The following AACS variants were observed in gnomAD, a reference collection of about 807,000 sequenced individuals.
The protein encoded by AACS is acetoacetate-CoA ligase.
In AACS, 69 loss-of-function variants were observed where a neutral mutation model predicts 83.1. The ratio of observed to expected loss-of-function variants is 0.83; its 90% CI spans 0.68 to 1.01. The LOEUF is 1.01. Ranked by LOEUF, AACS falls within the 50% of genes least tolerant of loss-of-function variation. AACS has a pLI of 0.00. For missense variants in AACS, 866 were observed against 882.2 expected, an observed-to-expected ratio of 0.98 and a Z score of 0.23; for synonymous variants, 333 against 343.4, an observed-to-expected ratio of 0.97 and a Z score of 0.33.
chr12:125,081,925 G>T (rs1260720919), intron 3 of AACS, among the ~76,000 whole-genome samples: 3 of 151,696 alleles, frequency 2.0e-5, no homozygotes, highest in Non-Finnish European at 2.9e-5. Context: ...GCCCAGGCTG[G>T]AGTGCAATGG....
intron 4 of AACS, among the ~76,000 whole-genome samples, chr12:125,089,321 G>A (rs1014833358): frequency 3.9e-5 from 6 of 152,138 alleles, no homozygotes; most frequent in African/African-American, 1.2e-4. Flanking sequence ...CCCACTGCAG[G>A]GGGGAGAAGG....
At chr12:125,087,014 G>A (rs1956354140) in intron 4 of AACS, among the ~76,000 whole-genome samples, 1 of 152,020 alleles carries the variant, frequency 6.6e-6, no homozygotes, top group Non-Finnish European at 1.5e-5. Flanking sequence ...CAAGCAGGAG[G>A]CGTCTACACG....
intron 5 of AACS, chr12:125,101,971 T>C (rs1956717428): frequency 6.6e-6 from 1 of 150,906 alleles, no homozygotes; most frequent in Non-Finnish European, 1.5e-5. Flanking sequence ...TTCACCATGT[T>C]GGTCAGGCTG....
Position 125,113,731 on chromosome 12 carries a change from G to T in AACS, c.916-746G>T. 6.6e-6 allele frequency among the ~76,000 whole-genome samples: 1 copy of T among 152,224 alleles called. No homozygotes were observed. Among genetic ancestry groups the T allele is most frequent in the East Asian group, 1.9e-4 (1 of 5,204 alleles). On this transcript the variant is annotated intron_variant, in intron 8 of 17. Coordinates refer to ENST00000316519, the MANE Select transcript of AACS (RefSeq NM_023928.5). The surrounding 1 kb of genome is among the most constrained non-coding windows in gnomAD (Gnocchi z 4.8). Reference sequence around the variant, plus strand: ...CATTAATAAATATGTGCCGGCATCAGCAAGAAAGACGTTCACAGGAAACTG... The same window carrying T: ...CATTAATAAATATGTGCCGGCATCATCAAGAAAGACGTTCACAGGAAACTG...
intron 1 of AACS, among the ~76,000 whole-genome samples, chr12:125,071,254 G>T (rs970212127): frequency 6.6e-6 from 1 of 152,156 alleles, no homozygotes; most frequent in African/African-American, 2.4e-5. Context: ...TGCAGTGACC[G>T]TTACAACCTG....
At chr12:125,075,165 G>A (rs1171175078) in intron 2 of AACS, among the ~76,000 whole-genome samples, 1 of 150,652 alleles carries the variant, frequency 6.6e-6, no homozygotes, top group Admixed American at 6.6e-5. Context: ...AGTAGAGATG[G>A]GGTTTCACCA....
intron 16 of AACS, 110 bp downstream of exon 16, chr12:125,134,962 G>A (rs1190530285): frequency 3.4e-5 from 43 of 1,249,684 alleles, no homozygotes; most frequent in Non-Finnish European, 4.0e-5. Context: ...TTGTTCTCTG[G>A]TGTGACAGTG....
rs182372000 is a variant in AACS, at chr12:125,071,819, C to A, written c.134-2057C>A. On this transcript the variant is annotated intron_variant, in intron 1 of 17. Coordinates refer to ENST00000316519, the MANE Select transcript of AACS (RefSeq NM_023928.5). ...CATGGGGCTGGCCGCGTCTGCCTTC[C>A]TTAGTGATGCTGTTGGCGAATGCAC... is the stretch of plus-strand genomic sequence containing the variant. 6.1e-4 allele frequency among the ~76,000 whole-genome samples: 93 copies of A among 152,268 alleles called. 1 individual carries two copies. Among genetic ancestry groups the A allele is most frequent in the Non-Finnish European group, 9.7e-4 (66 of 68,022 alleles).
chr12:125,067,693 C>G (rs993537748), intron 1 of AACS, among the ~76,000 whole-genome samples: 3 of 151,936 alleles, frequency 2.0e-5, no homozygotes, highest in Non-Finnish European at 4.4e-5. Flanking sequence ...GCCACTATGC[C>G]CGGCTAATTT....
chr12:125,076,879 C>A (rs999299941), intron 3 of AACS, among the ~76,000 whole-genome samples: 1 of 152,132 alleles, frequency 6.6e-6, no homozygotes, highest in African/African-American at 2.4e-5. Flanking sequence ...TAACTAGAAT[C>A]TCTTCCCATT....
chr12:125,095,639 C>G (rs753898852), intron 5 of AACS, among the ~76,000 whole-genome samples: 2 of 152,218 alleles, frequency 1.3e-5, no homozygotes, highest in Non-Finnish European at 2.9e-5. Flanking sequence ...AGCCTCTTCT[C>G]CCTCCCGCCT....
chr12:125,102,934 A>G, intron 6 of AACS, 66 bp from the exon 7 acceptor site: 40 of 1,351,616 alleles, frequency 3.0e-5, no homozygotes, highest in South Asian at 8.3e-5. Flanking sequence ...ATTTTGTGGA[A>G]AAAAAAAAAA....
chr12:125,086,836 G>A (rs1388596359), intron 4 of AACS, among the ~76,000 whole-genome samples: 1 of 151,214 alleles, frequency 6.6e-6, no homozygotes, highest in East Asian at 1.9e-4. Context: ...TTGCTGGAGG[G>A]ATGAAGGCAC....
Position 125,086,315 on chromosome 12 carries a change from T to C in AACS, c.359-15T>C, listed in dbSNP as rs758863793. On this transcript the variant is annotated splice_polypyrimidine_tract_variant and intron_variant, in intron 3 of 17. Coordinates refer to ENST00000316519, the MANE Select transcript of AACS (RefSeq NM_023928.5). ...GCGGTGGTCTGTGTACAATTTACCCTTTTTCTCTTCCCAGGGGAAGGCAAA... is the reference window on the plus strand; with the variant it reads ...GCGGTGGTCTGTGTACAATTTACCCCTTTTCTCTTCCCAGGGGAAGGCAAA... 138 of 1,610,604 alleles carry C rather than the reference T, an allele frequency of 8.6e-5. No homozygotes were observed. Among genetic ancestry groups the C allele is most frequent in the Admixed American group, 2.2e-4 (13 of 59,866 alleles).
At chr12:125,104,012 AAAAAAAAG>A in intron 7 of AACS, among the ~76,000 whole-genome samples, 1 of 147,040 alleles carries the variant, frequency 6.8e-6, no homozygotes, top group Non-Finnish European at 1.5e-5. Flanking sequence ...AAAAAAAAAA[AAAAAAAAG>A]AATCTTCATT....
Position 125,129,581 on chromosome 12 carries a change from G to C in AACS, c.1549+121G>C. 7.7e-7 allele frequency: 1 copy of C among 1,302,394 alleles called. No homozygotes were observed. The highest frequency in any genetic ancestry group is 1.0e-6 in the Non-Finnish European group (1 of 953,504). 80.7% of individuals were successfully genotyped at this position (1,302,394 alleles called of 1,614,324 possible). ...TCCCCCACCAGGGCTTGGAGAAGCT[G>C]CTTATAGTTCATTCCGCCAGTGGGG... On this transcript the variant is annotated intron_variant, in intron 14 of 17. Transcript: ENST00000316519. This position sits in a 1 kb window ranked among gnomAD's most constrained non-coding sequence, Gnocchi z 4.3.
At chr12:125,093,435 C>T (rs1359187631) in intron 5 of AACS, among the ~76,000 whole-genome samples, 2 of 152,224 alleles carry the variant, frequency 1.3e-5, no homozygotes, top group Admixed American at 6.5e-5. Flanking sequence ...GTCCTGTGCA[C>T]GTCACTCCCC....
chr12:125,094,253 A>G lies in AACS; in HGVS notation c.570+2730A>G, dbSNP rs1956555448. ...CCATCATCACCATGTTAAACTTCAGACTGTGCCCCATTTTCAGTAAGGGGC... is the reference window on the plus strand; with the variant it reads ...CCATCATCACCATGTTAAACTTCAGGCTGTGCCCCATTTTCAGTAAGGGGC... On this transcript the variant is annotated intron_variant, in intron 5 of 17. Transcript: ENST00000316519. This position sits in a 1 kb window ranked among gnomAD's most constrained non-coding sequence, Gnocchi z 4.1. 6.6e-6 allele frequency among the ~76,000 whole-genome samples: 1 copy of G among 152,228 alleles called. No individual in the cohort carries two copies. The highest frequency in any genetic ancestry group is 2.1e-4 in the South Asian group (1 of 4,832).
chr12:125,139,322 C>A (rs1406769310), intron 17 of AACS: 1 of 152,378 alleles, frequency 6.6e-6, no homozygotes, highest in Non-Finnish European at 1.5e-5. Context: ...CCCCGGGGGA[C>A]TGGGGAGGCT....
Sources: gnomAD v4.1 joint callset for allele counts (sites outside exome capture counted in the v4.1 genomes callset) on GRCh38, gnomAD v4.1.1 for gene constraint, Gnocchi (gnomAD v3.1) non-coding constraint, MANE v1.5 for transcripts, NCBI Gene and HGNC (gene_info 2026-07-23, HGNC 2026-07-21) for gene names.